ABI3BP: variants seen among roughly 807,000 people sequenced by gnomAD.
The protein encoded by ABI3BP is ABI family member 3 binding protein.
Under a neutral mutation model 268.6 loss-of-function variants are expected in ABI3BP, and 216 were observed. That is an observed-to-expected ratio of 0.80 (90% CI 0.72 to 0.90). ABI3BP has a LOEUF of 0.90. Ranked by LOEUF, ABI3BP falls within the 40% of genes least tolerant of loss-of-function variation. The pLI, the probability that ABI3BP is intolerant of heterozygous loss-of-function variation, is 0.00. For missense variants in ABI3BP, 2,090 were observed against 2,182.4 expected (o/e 0.96, Z 0.84); for synonymous variants, 730 against 730.0 (o/e 1.00, Z 0.00).
At chr3:100,989,816 A>G (rs1283350648) in intron 1 of ABI3BP, among the ~76,000 whole-genome samples, 1 of 152,224 alleles carries the variant, frequency 6.6e-6, no homozygotes, top group Non-Finnish European at 1.5e-5. Flanking sequence ...GAAAAGAAAA[A>G]AGGCCAATGG....
At chr3:100,800,475 G>A (rs575225072) in intron 51 of ABI3BP, among the ~76,000 whole-genome samples, 3 of 152,084 alleles carry the variant, frequency 2.0e-5, no homozygotes, top group Non-Finnish European at 2.9e-5. Flanking sequence ...GAGTCATGCT[G>A]TTTCTCAGCT....
At chr3:100,976,996 T>A (rs573200721) in intron 1 of ABI3BP, among the ~76,000 whole-genome samples, 4 of 152,338 alleles carry the variant, frequency 2.6e-5, no homozygotes, top group African/African-American at 9.6e-5. Flanking sequence ...TTTCTATGAA[T>A]TTTTTTAAAG....
chr3:100,887,307 A>G (rs1446038531), intron 4 of ABI3BP, among the ~76,000 whole-genome samples: 4 of 152,064 alleles, frequency 2.6e-5, no homozygotes, highest in African/African-American at 9.7e-5. Flanking sequence ...TAGATTTTAG[A>G]AACAAAATAT....
intron 1 of ABI3BP, among the ~76,000 whole-genome samples, chr3:100,972,738 A>G (rs1001091030): frequency 1.3e-5 from 2 of 152,192 alleles, no homozygotes; most frequent in Non-Finnish European, 2.9e-5. Context: ...ATCCTTTCAC[A>G]TCAACATGCA....
At chr3:100,782,224 C>A (rs2096888136) in intron 57 of ABI3BP, among the ~76,000 whole-genome samples, 1 of 152,234 alleles carries the variant, frequency 6.6e-6, no homozygotes, top group Non-Finnish European at 1.5e-5. Flanking sequence ...ACTGACCAGG[C>A]ATATGCAAGT....
intron 59 of ABI3BP, among the ~76,000 whole-genome samples, chr3:100,777,006 C>T (rs541230961): frequency 1.3e-5 from 2 of 152,254 alleles, no homozygotes; most frequent in South Asian, 2.1e-4. Flanking sequence ...TGGGGAAACC[C>T]GGTCTCCTAG....
In ABI3BP at chr3:100,751,575, G is replaced by A. The variant is rs1200663634; in HGVS notation, c.5222C>T (p.Ser1741Phe). The change falls in exon 67 of 68, where the codon TCT becomes TTT. Residue 1741 changes from serine (S) to phenylalanine (F), a missense_variant. Ser to Phe is a radical substitution (Grantham distance 155). Coordinates refer to ENST00000471714, the MANE Select transcript of ABI3BP (RefSeq NM_001375547.2). Reference sequence around the variant, plus strand: ...ACCTTCTTTGATTGGTAACTGGTCAGAAGTGAGTTGCTGCCCAGTGCGTCC... The same window carrying A: ...ACCTTCTTTGATTGGTAACTGGTCAAAAGTGAGTTGCTGCCCAGTGCGTCC... ...LDGRTGQQLTSDQLPIKEGYF... is the reference protein window; with the variant it reads ...LDGRTGQQLTFDQLPIKEGYF... The A allele has an allele frequency of 1.9e-6, 3 of 1,596,480 alleles. No individual in the cohort carries two copies. The highest frequency in any genetic ancestry group is 2.6e-6 in the Non-Finnish European group (3 of 1,170,258).
chr3:100,907,447 T>C (rs1386398368), intron 2 of ABI3BP, among the ~76,000 whole-genome samples: 4 of 152,122 alleles, frequency 2.6e-5, no homozygotes, highest in African/African-American at 4.8e-5. Context: ...TGAGCTGAGA[T>C]TGCACCACTG....
intron 1 of ABI3BP, among the ~76,000 whole-genome samples, chr3:100,956,698 A>T (rs2076968390): frequency 6.6e-6 from 1 of 152,226 alleles, no homozygotes; most frequent in South Asian, 2.1e-4. Flanking sequence ...AGGAAACAGG[A>T]AGAGTCAAGG....
At chr3:100,949,111 C>T (rs1268859476) in intron 1 of ABI3BP, among the ~76,000 whole-genome samples, 1 of 151,938 alleles carries the variant, frequency 6.6e-6, no homozygotes, top group African/African-American at 2.4e-5. Flanking sequence ...ATAAATATAG[C>T]TTTATATCTT....
chr3:100,834,693 T>C lies in ABI3BP; in HGVS notation c.2272A>G (p.Thr758Ala), dbSNP rs973160561. Reference sequence around the variant, plus strand: ...ACCACATATTATTTACCTAGTTTGGTCTGCAGTGTCTCTGGGCGTGGCGTG... The same window carrying C: ...ACCACATATTATTTACCTAGTTTGGCCTGCAGTGTCTCTGGGCGTGGCGTG... ...KTTPRPETLQ[T>A]KLDFGPITPG... Residue 758 changes from threonine (T) to alanine (A), a missense_variant, in exon 29 of 68, where the codon ACC (threonine) becomes GCC (alanine). Transcript: ENST00000471714. The C allele has an allele frequency of 3.3e-6, 5 of 1,535,422 alleles. No homozygotes were observed. In the Admixed American group the frequency reaches 7.8e-5, roughly 24 times the overall value.
chr3:100,963,564 C>A (rs935146667), intron 1 of ABI3BP, among the ~76,000 whole-genome samples: 2 of 152,190 alleles, frequency 1.3e-5, no homozygotes, highest in African/African-American at 4.8e-5. Context: ...GAACATATAG[C>A]TCACGCTTAG....
At chr3:100,890,244 C>A (rs2043933424) in intron 4 of ABI3BP, among the ~76,000 whole-genome samples, 1 of 152,124 alleles carries the variant, frequency 6.6e-6, no homozygotes, top group Non-Finnish European at 1.5e-5. Flanking sequence ...ACATCTATTT[C>A]CCACATTTTT....
At position 100,971,205 on chromosome 3, in the gene ABI3BP, T is replaced by A. The variant is rs74919895; in HGVS notation, c.79+22101A>T. Among the ~76,000 whole-genome samples, 83 of 152,288 alleles carry A rather than the reference T, an allele frequency of 5.5e-4. No individual in the cohort carries two copies. In the East Asian group the frequency reaches 0.015, roughly 27 times the overall value. On this transcript the variant is annotated intron_variant, in intron 1 of 67. Transcript: ENST00000471714. ...TACATTTTCCAGGACCCAGTTGACA[T>A]TTAAACAGAAGAGGTGACCACTTAT...
intron 1 of ABI3BP, among the ~76,000 whole-genome samples, chr3:100,955,260 T>C (rs2076424329): frequency 6.6e-6 from 1 of 152,128 alleles, no homozygotes; most frequent in African/African-American, 2.4e-5. Context: ...AGTACAATAC[T>C]CCATGCATGT....
intron 2 of ABI3BP, among the ~76,000 whole-genome samples, chr3:100,922,726 A>C (rs1274152219): frequency 6.6e-6 from 1 of 152,184 alleles, no homozygotes; most frequent in African/African-American, 2.4e-5. Flanking sequence ...AAAGGAATGC[A>C]GCCCTGCCCA....
intron 57 of ABI3BP, 59 bp from the exon 58 acceptor site, chr3:100,780,268 T>C (rs955726149): frequency 2.7e-6 from 4 of 1,505,990 alleles, no homozygotes; most frequent in Middle Eastern, 1.7e-4. Context: ...CATGGAAACT[T>C]GGTAGAGTTG....
intron 4 of ABI3BP, among the ~76,000 whole-genome samples, chr3:100,896,978 T>C (rs925362737): frequency 1.3e-5 from 2 of 152,210 alleles, no homozygotes; most frequent in Admixed American, 6.5e-5. Flanking sequence ...CAACGTCAGA[T>C]GAAAGGTGAT....
At chr3:100,828,549 C>G (rs2098429926) in intron 33 of ABI3BP, 97 bp from the exon 34 acceptor site, 5 of 1,081,678 alleles carry the variant, frequency 4.6e-6, no homozygotes, top group Non-Finnish European at 6.6e-6. Flanking sequence ...CATGACATAT[C>G]TGTCCAGAGC....
Sources: gnomAD v4.1 joint callset for allele counts (sites outside exome capture counted in the v4.1 genomes callset) on GRCh38, gnomAD v4.1.1 for gene constraint, MANE v1.5 for transcripts, NCBI Gene and HGNC (gene_info 2026-07-23, HGNC 2026-07-21) for gene names.